The following TENM1 variants were observed in gnomAD, a reference collection of about 807,000 sequenced individuals.
TENM1 encodes teneurin transmembrane protein 1.
TENM1 carries 35 observed loss-of-function variants against 174.8 expected under a neutral mutation model. The ratio of observed to expected loss-of-function variants is 0.20; its 90% CI spans 0.15 to 0.27. TENM1 has a LOEUF of 0.27. TENM1 is among the 10% of genes least tolerant of loss of function. The pLI is 1.00. For synonymous variants in TENM1, 781 were observed against 798.7 expected, an observed-to-expected ratio of 0.98 and a Z score of 0.37; for missense variants, 1,633 against 2,130.1, an observed-to-expected ratio of 0.77 and a Z score of 4.59.
the TENM1 span, among the ~76,000 whole-genome samples, chrX:124,971,401 C>A: frequency 1.8e-5 from 2 of 111,655 alleles, no homozygotes; most frequent in African/African-American, 6.5e-5. Context: ...ACACAAATTT[C>A]TTCATGTTGC....
chrX:124,773,792 G>T (rs2054717199), intron 3 of TENM1, among the ~76,000 whole-genome samples: 1 of 111,728 alleles, frequency 9.0e-6, no homozygotes, highest in Non-Finnish European at 1.9e-5. Context: ...GGATAACAAA[G>T]AAGCCTGTCT....
exon 5 of TENM1, chrX:124,705,121 G>A: frequency 8.3e-7 from 1 of 1,211,390 alleles, no homozygotes; most frequent in Non-Finnish European, 1.1e-6. Flanking sequence ...GTAAAGGCAG[G>A]TCGGGAAAAG....
chrX:124,661,095 T>C (rs774951295), intron 6 of TENM1, among the ~76,000 whole-genome samples: 1 of 111,967 alleles, frequency 8.9e-6, no homozygotes, highest in Admixed American at 9.4e-5. Flanking sequence ...TATGATTCTA[T>C]ATGAAATGTA....
At chrX:124,618,770 C>T (rs1211589495) in intron 11 of TENM1, among the ~76,000 whole-genome samples, 2 of 112,064 alleles carry the variant, frequency 1.8e-5, no homozygotes, top group East Asian at 5.6e-4. Context: ...TAATTACATG[C>T]TATTATAAGT....
intron 11 of TENM1, among the ~76,000 whole-genome samples, chrX:124,598,801 C>T (rs1282723705): frequency 1.8e-5 from 2 of 110,255 alleles, no homozygotes; most frequent in Admixed American, 9.7e-5. Context: ...TTAGTGGGTA[C>T]AAAATAATAG....
chrX:124,699,438 C>T (rs2052726802), intron 5 of TENM1, among the ~76,000 whole-genome samples: 1 of 110,781 alleles, frequency 9.0e-6, no homozygotes, highest in Non-Finnish European at 1.9e-5. Context: ...GATTGCCTCT[C>T]CTTGAGACAA....
the TENM1 span, among the ~76,000 whole-genome samples, chrX:125,062,130 A>T: frequency 6.2e-5 from 7 of 112,179 alleles, no homozygotes; most frequent in East Asian, 1.7e-3. Flanking sequence ...TATAGAATTT[A>T]TCTCAAATGA....
intron 22 of TENM1, among the ~76,000 whole-genome samples, chrX:124,474,136 C>T (rs919398713): frequency 2.0e-4 from 22 of 111,225 alleles, no homozygotes; most frequent in African/African-American, 6.5e-4. Context: ...ATATATGGGT[C>T]ATTATTATAA....
chrX:125,177,016 A>C, the TENM1 span, among the ~76,000 whole-genome samples: 5 of 109,988 alleles, frequency 4.5e-5, no homozygotes, highest in Admixed American at 1.9e-4. Context: ...TAAAGCATTA[A>C]TCAGGGTGTT....
At position 124,460,288 on chromosome X, in the gene TENM1, T is replaced by C. The variant is rs374725363; in HGVS notation, c.3950-6797A>G. ...AAAGACACATGCACGTGTATGTTCA[T>C]TGCAGCACTGTTCACAGTAGCAAAG... On this transcript the variant is annotated intron_variant, in intron 22 of 31. Coordinates refer to ENST00000422452, the Ensembl canonical transcript of TENM1. Among the ~76,000 whole-genome samples, 16 of 111,760 alleles carry C rather than the reference T, an allele frequency of 1.4e-4. No homozygotes were observed. In the South Asian group the frequency reaches 5.7e-3, roughly 40 times the overall value.
chrX:124,937,276 A>C (rs926370402), intron 1 of TENM1, among the ~76,000 whole-genome samples: 2 of 111,756 alleles, frequency 1.8e-5, no homozygotes, highest in African/African-American at 6.5e-5. Flanking sequence ...ACAATCAGCT[A>C]ATTTCAATTT....
chrX:124,743,237 T>A (rs749117848), intron 3 of TENM1, among the ~76,000 whole-genome samples: 1 of 111,834 alleles, frequency 8.9e-6, no homozygotes, highest in African/African-American at 3.2e-5. Context: ...AAAACTGGTT[T>A]TCAGAAGAAA....
At chrX:124,432,834 G>A (rs2060795430) in intron 23 of TENM1, among the ~76,000 whole-genome samples, 1 of 112,197 alleles carries the variant, frequency 8.9e-6, no homozygotes, top group Admixed American at 9.5e-5. Flanking sequence ...TATGTAAGAG[G>A]AAGTGTGGAA....
In TENM1 at chrX:124,546,867, T is replaced by C; in HGVS notation, c.2651+7A>G. 1.7e-6 allele frequency: 2 copies of C among 1,177,777 alleles called. No individual in the cohort carries two copies. The highest frequency in any genetic ancestry group is 2.3e-6 in the Non-Finnish European group (2 of 864,736). On this transcript the variant is annotated splice_region_variant and intron_variant, in intron 15 of 31. Coordinates refer to ENST00000422452, the Ensembl canonical transcript of TENM1. ...TTCACTAAGGAATAAAATAAATACA[T>C]ATGTACCTGCTGTCAAATGACACCT...
At chrX:124,849,168 T>C (rs2056669385) in intron 3 of TENM1, among the ~76,000 whole-genome samples, 1 of 111,452 alleles carries the variant, frequency 9.0e-6, no homozygotes, top group African/African-American at 3.3e-5. Context: ...CTACCCATTA[T>C]TTCTCTTAAG....
chrX:124,664,746 G>A (rs1401448327), intron 6 of TENM1, among the ~76,000 whole-genome samples: 1 of 106,221 alleles, frequency 9.4e-6, no homozygotes, highest in African/African-American at 3.4e-5. Flanking sequence ...GGAGGAGGGA[G>A]AATGCTCGCT....
At chrX:124,964,780 T>C (rs923236549), upstream of TENM1, among the ~76,000 whole-genome samples, 2 of 112,329 alleles carry the variant, frequency 1.8e-5, no homozygotes, top group Non-Finnish European at 3.8e-5. Flanking sequence ...TGTTGCAACT[T>C]TGCAACTTGG....
rs1159973858 is a variant in TENM1, at chrX:124,668,327, G to T, written c.1168+3356C>A. On this transcript the variant is annotated intron_variant, in intron 6 of 31. Coordinates refer to ENST00000422452, the Ensembl canonical transcript of TENM1. ...GGATCTAGAACTAGAAATACCATTTGACCCAGCCATCCCATTACTGGGTAT... is the reference window on the plus strand; with the variant it reads ...GGATCTAGAACTAGAAATACCATTTTACCCAGCCATCCCATTACTGGGTAT... Among the ~76,000 whole-genome samples the T allele has an allele frequency of 6.3e-5, 7 of 111,353 alleles. No homozygotes were observed. The East Asian group carries it at 2.0e-3, about 32-fold the overall frequency.
At chrX:125,036,159 T>C in the TENM1 span, among the ~76,000 whole-genome samples, 1 of 111,864 alleles carries the variant, frequency 8.9e-6, no homozygotes, top group African/African-American at 3.2e-5. Flanking sequence ...TTTAAGTCAT[T>C]GCAACATTAT....
Sources: gnomAD v4.1 joint callset for allele counts (sites outside exome capture counted in the v4.1 genomes callset) on GRCh38, gnomAD v4.1.1 for gene constraint, MANE v1.5 for transcripts, NCBI Gene and HGNC (gene_info 2026-07-23, HGNC 2026-07-21) for gene names.